AKAIN1: variants seen among roughly 807,000 people sequenced by gnomAD.
AKAIN1 encodes the protein A-kinase anchor protein inhibitor 1.
AKAIN1 carries 3 observed loss-of-function variants against 3.7 expected under a neutral mutation model. That is an observed-to-expected ratio of 0.82 (90% CI 0.37 to 2.12). The LOEUF (loss-of-function observed/expected upper bound fraction) is 2.12. AKAIN1 is among the 30% of genes most tolerant of loss of function. The pLI is 0.06. For missense variants in AKAIN1, 82 were observed against 82.7 expected, an observed-to-expected ratio of 0.99 and a Z score of 0.03; for synonymous variants, 31 against 30.8, an observed-to-expected ratio of 1.01 and a Z score of -0.02.
chr18:5,171,543 G>C (rs778475392), intron 1 of AKAIN1, among the ~76,000 whole-genome samples: 6 of 151,932 alleles, frequency 3.9e-5, no homozygotes, highest in Non-Finnish European at 7.4e-5. Context: ...CGAATAGACA[G>C]TTCTCAAAAG....
At chr18:5,192,885 A>G (rs1024373455) in intron 1 of AKAIN1, among the ~76,000 whole-genome samples, 3 of 152,198 alleles carry the variant, frequency 2.0e-5, no homozygotes, top group Non-Finnish European at 2.9e-5. Flanking sequence ...ACATGAATCT[A>G]TACATATGTT....
At chr18:5,196,965 T>C (rs2143050889) in intron 1 of AKAIN1, 73 bp downstream of exon 1, 1 of 1,360,528 alleles carries the variant, frequency 7.4e-7, no homozygotes, top group Non-Finnish European at 1.0e-6. Context: ...AAGAGGCCTT[T>C]TTTCCCTCTC....
chr18:5,187,317 G>A (rs1392340924), intron 1 of AKAIN1, among the ~76,000 whole-genome samples: 1 of 152,100 alleles, frequency 6.6e-6, no homozygotes, highest in Admixed American at 6.6e-5. Flanking sequence ...ATAAGACACA[G>A]ATTACTAATA....
At chr18:5,196,524 A>G (rs2071348562) in intron 1 of AKAIN1, among the ~76,000 whole-genome samples, 1 of 152,204 alleles carries the variant, frequency 6.6e-6, no homozygotes, top group Non-Finnish European at 1.5e-5. Flanking sequence ...CTAATTCCTT[A>G]AGAAGTATCG....
At chr18:5,166,678 T>C (rs1187039393) in intron 1 of AKAIN1, among the ~76,000 whole-genome samples, 1 of 152,112 alleles carries the variant, frequency 6.6e-6, no homozygotes, top group African/African-American at 2.4e-5. Context: ...CAGAACCTGA[T>C]TTAGTTCTTG....
intron 1 of AKAIN1, among the ~76,000 whole-genome samples, chr18:5,165,916 C>G (rs914579396): frequency 6.6e-6 from 1 of 152,018 alleles, no homozygotes; most frequent in Non-Finnish European, 1.5e-5. Flanking sequence ...TATAGGCTTG[C>G]AGCAAGCCTC....
chr18:5,178,935 A>T (rs917748840), intron 1 of AKAIN1, among the ~76,000 whole-genome samples: 12 of 152,170 alleles, frequency 7.9e-5, no homozygotes, highest in Admixed American at 2.0e-4. Flanking sequence ...CTGCCCCTTT[A>T]AAGGTATTGG....
At chr18:5,165,287 AG>A (rs34240309) in intron 1 of AKAIN1, among the ~76,000 whole-genome samples, 1 of 151,982 alleles carries the variant, frequency 6.6e-6, no homozygotes, top group South Asian at 2.1e-4. Context: ...ATGGTCCCTT[AG>A]CTACCGACTC....
chr18:5,157,177 C>T (rs918280665), intron 1 of AKAIN1, among the ~76,000 whole-genome samples: 11 of 152,126 alleles, frequency 7.2e-5, no homozygotes, highest in Admixed American at 2.0e-4. Context: ...GAGTCACACA[C>T]GGGATTAGAT....
chr18:5,158,513 C>T (rs992930768), intron 1 of AKAIN1, among the ~76,000 whole-genome samples: 1 of 152,334 alleles, frequency 6.6e-6, no homozygotes, highest in African/African-American at 2.4e-5. Context: ...CTTGTTTTCT[C>T]CCTCCTCCTC....
chr18:5,172,609 T>C (rs958983117), intron 1 of AKAIN1, among the ~76,000 whole-genome samples: 1 of 152,016 alleles, frequency 6.6e-6, no homozygotes, highest in African/African-American at 2.4e-5. Context: ...TAAGAAATTA[T>C]TTTACCAAAG....
At chr18:5,146,453 C>T (rs890045671) in intron 1 of AKAIN1, among the ~76,000 whole-genome samples, 9 of 152,184 alleles carry the variant, frequency 5.9e-5, no homozygotes, top group Non-Finnish European at 7.3e-5. Context: ...TTTAATCCAA[C>T]ATTATTCAGG....
At chr18:5,178,337 C>G (rs1214160546) in intron 1 of AKAIN1, among the ~76,000 whole-genome samples, 1 of 151,858 alleles carries the variant, frequency 6.6e-6, no homozygotes, top group African/African-American at 2.4e-5. Context: ...TACTGGAGCC[C>G]AATACCAGCT....
At chr18:5,197,516 A>AAAAAAAAAAAACC (rs58012253), upstream of AKAIN1, 1 of 1,210,036 alleles carries the variant, frequency 8.3e-7, no homozygotes, top group Admixed American at 4.3e-5. This position sits in a 1 kb window ranked among gnomAD's most constrained non-coding sequence, Gnocchi z 6.9. Flanking sequence ...AAAAAAAAAA[A>AAAAAAAAAAAACC]CTCTAAGAGC....
rs1262032822 is a variant in AKAIN1, at chr18:5,145,288, A to T, written c.*274T>A. Reference sequence around the variant, plus strand: ...AGAATTCTTTTTTTCAAATAAAAGAACTTTAAAAATAAATTGGCCTGCAAA... The same window carrying T: ...AGAATTCTTTTTTTCAAATAAAAGATCTTTAAAAATAAATTGGCCTGCAAA... On this transcript the variant is annotated 3_prime_UTR_variant, in exon 2 of 2. Coordinates refer to ENST00000434239, the MANE Select transcript of AKAIN1 (RefSeq NM_001145194.2). 1.6e-5 allele frequency: 5 copies of T among 311,828 alleles called. No homozygotes were observed. The highest frequency in any genetic ancestry group is 2.4e-5 in the Non-Finnish European group (4 of 169,832). 19.3% of individuals were successfully genotyped at this position (311,828 alleles called of 1,614,324 possible).
intron 1 of AKAIN1, among the ~76,000 whole-genome samples, chr18:5,166,409 A>G (rs1336754981): frequency 1.3e-5 from 2 of 151,978 alleles, no homozygotes; most frequent in African/African-American, 4.8e-5. Flanking sequence ...TGTCTTTGCT[A>G]TGCTCTGTTT....
intron 1 of AKAIN1, among the ~76,000 whole-genome samples, chr18:5,158,468 G>A (rs1356955232): frequency 2.0e-5 from 3 of 152,164 alleles, no homozygotes; most frequent in Non-Finnish European, 2.9e-5. Flanking sequence ...GTTTCAAAAT[G>A]TTACACCCAG....
At chr18:5,162,076 A>G (rs534779981) in intron 1 of AKAIN1, among the ~76,000 whole-genome samples, 1 of 152,280 alleles carries the variant, frequency 6.6e-6, no homozygotes. Context: ...AAAAGGGCTA[A>G]CTTGAGTCTG....
In AKAIN1 at chr18:5,142,999, G is replaced by C. The variant is rs1033934268; in HGVS notation, c.*2563C>G. Among the ~76,000 whole-genome samples the C allele has an allele frequency of 6.6e-6, 1 of 152,152 alleles. No individual in the cohort carries two copies. Among genetic ancestry groups the C allele is most frequent in the South Asian group, 2.1e-4 (1 of 4,820 alleles). On this transcript the variant is annotated 3_prime_UTR_variant, in exon 2 of 2. Coordinates refer to ENST00000434239, the MANE Select transcript of AKAIN1 (RefSeq NM_001145194.2). ...ATTTCTTTCTTTAGATCCACCCTAG[G>C]GGCAGGCAACAGAGAAGACGAACAG...
Sources: gnomAD v4.1 joint callset for allele counts (sites outside exome capture counted in the v4.1 genomes callset) on GRCh38, gnomAD v4.1.1 for gene constraint, Gnocchi (gnomAD v3.1) non-coding constraint, MANE v1.5 for transcripts, NCBI Gene and HGNC (gene_info 2026-07-23, HGNC 2026-07-21) for gene names.